CNTN1: variants seen among roughly 807,000 people sequenced by gnomAD.
The protein encoded by CNTN1 is contactin 1.
A neutral mutation model predicts 126.4 loss-of-function variants in CNTN1; 38 were observed. The ratio of observed to expected loss-of-function variants is 0.30; its 90% CI spans 0.23 to 0.39. The LOEUF (loss-of-function observed/expected upper bound fraction) is 0.39, where lower values mean the gene tolerates loss of function less well. Among genes scored for constraint, CNTN1 ranks in the 10% least tolerant of loss-of-function variants. The probability of loss-of-function intolerance (pLI) is 1.00; values close to 1 mark genes in which losing one functional copy is unlikely to be tolerated. For synonymous variants in CNTN1, 413 were observed against 422.6 expected (o/e 0.98, Z 0.28); for missense variants, 1,009 against 1,248.4 (o/e 0.81, Z 2.89).
At chr12:40,766,615 T>C (rs766812743) in intron 1 of CNTN1, among the ~76,000 whole-genome samples, 2 of 152,150 alleles carry the variant, frequency 1.3e-5, no homozygotes, top group Non-Finnish European at 2.9e-5. Context: ...GATCAACTTA[T>C]CTGATGCACC....
rs543369780 is a variant in CNTN1 at position 40,957,872 on chromosome 12, C to T, written c.1684-1242C>T. Among the ~76,000 whole-genome samples the T allele has an allele frequency of 5.5e-4, 83 of 151,994 alleles. 1 individual carries two copies. The highest frequency in any genetic ancestry group is 1.9e-3 in the African/African-American group (80 of 41,490). On this transcript the variant is annotated intron_variant, in intron 14 of 23. Coordinates refer to ENST00000551295, the MANE Select transcript of CNTN1 (RefSeq NM_001843.4). Reference sequence around the variant, plus strand: ...TGCTCTCTCAGCTATTATTCTTAACCTCATTAATCCAGCAAGGGTTGCAAA... The same window carrying T: ...TGCTCTCTCAGCTATTATTCTTAACTTCATTAATCCAGCAAGGGTTGCAAA...
intron 1 of CNTN1, among the ~76,000 whole-genome samples, chr12:40,842,651 T>G (rs2136587812): frequency 6.6e-6 from 1 of 152,272 alleles, no homozygotes; most frequent in East Asian, 1.9e-4. Flanking sequence ...TAGTAGAGTC[T>G]TCTGTGTAAG....
rs1938326632 is a variant in CNTN1, at chr12:40,749,735, GTAACA to G, written c.-77+57145_-77+57149del. Among the ~76,000 whole-genome samples, 3 of 147,290 alleles carry G rather than the reference GTAACA, an allele frequency of 2.0e-5. 1 individual carries two copies. The highest frequency in any genetic ancestry group is 4.5e-5 in the Non-Finnish European group (3 of 66,224). ...AGAAAATAAAGTTCTGATAGGTTAA[GTAACA>G]TGACCAAAATCACAGAGTTTACATT... is the stretch of plus-strand genomic sequence containing the variant. On this transcript the variant is annotated intron_variant, in intron 1 of 23. Transcript: ENST00000551295.
chr12:40,918,877 A>G, intron 4 of CNTN1, 106 bp downstream of exon 4: 2 of 1,360,940 alleles, frequency 1.5e-6, no homozygotes, highest in Non-Finnish European at 2.1e-6. Flanking sequence ...TGCAAATTCC[A>G]TGGACATTAA....
chr12:40,950,969 A>T (rs1946653996), intron 14 of CNTN1, among the ~76,000 whole-genome samples: 3 of 151,628 alleles, frequency 2.0e-5, no homozygotes, highest in Admixed American at 6.6e-5. Context: ...TATATATATA[A>T]TATAATATAT....
At chr12:40,942,334 G>A (rs10879386) in intron 12 of CNTN1, among the ~76,000 whole-genome samples, 1 of 152,010 alleles carries the variant, frequency 6.6e-6, no homozygotes, top group Non-Finnish European at 1.5e-5. Context: ...GCTTGGAAAA[G>A]TATTTTACTG....
chr12:40,723,712 A>C (rs1483177778), intron 1 of CNTN1, among the ~76,000 whole-genome samples: 1 of 152,312 alleles, frequency 6.6e-6, no homozygotes, highest in African/African-American at 2.4e-5. Flanking sequence ...AAAACAGGGG[A>C]TATATGGCAA....
At position 40,998,536 on chromosome 12, in the gene CNTN1, T is replaced by C. The variant is rs968685084; in HGVS notation, c.2113+5267T>C. Among the ~76,000 whole-genome samples the C allele has an allele frequency of 1.1e-4, 16 of 152,252 alleles. No homozygotes were observed. In the East Asian group the frequency reaches 3.1e-3, roughly 29 times the overall value. ...CAATGGGAACATCATTTTAACATGGTGGATTATATTAGGGGTGTTAGCAAT... is the reference window on the plus strand; with the variant it reads ...CAATGGGAACATCATTTTAACATGGCGGATTATATTAGGGGTGTTAGCAAT... On this transcript the variant is annotated intron_variant, in intron 17 of 23. Coordinates refer to ENST00000551295, the MANE Select transcript of CNTN1 (RefSeq NM_001843.4).
At chr12:40,807,454 G>A (rs1240905710) in intron 1 of CNTN1, among the ~76,000 whole-genome samples, 1 of 152,080 alleles carries the variant, frequency 6.6e-6, no homozygotes, top group Non-Finnish European at 1.5e-5. Flanking sequence ...GGCGAAAGGT[G>A]GCTCTAGCCT....
chr12:40,901,911 G>A (rs1421315020), intron 1 of CNTN1, among the ~76,000 whole-genome samples: 3 of 152,146 alleles, frequency 2.0e-5, no homozygotes, highest in Non-Finnish European at 2.9e-5. Flanking sequence ...TGTTTATAGA[G>A]TGTAAAGAAA....
At chr12:41,042,786 T>C (rs1462446709) in intron 23 of CNTN1, among the ~76,000 whole-genome samples, 3 of 152,126 alleles carry the variant, frequency 2.0e-5, no homozygotes, top group African/African-American at 7.2e-5. Context: ...AGCATGGTAC[T>C]GGTACCAAAA....
chr12:40,929,602 T>C (rs1945811493), intron 6 of CNTN1, among the ~76,000 whole-genome samples, 194 bp from the exon 7 acceptor site: 2 of 152,032 alleles, frequency 1.3e-5, no homozygotes, highest in Non-Finnish European at 2.9e-5. Context: ...TGTAATTGCT[T>C]AGTGTAATGC....
chr12:40,974,616 A>G (rs1446669444), intron 15 of CNTN1, among the ~76,000 whole-genome samples: 1 of 152,168 alleles, frequency 6.6e-6, no homozygotes, highest in Non-Finnish European at 1.5e-5. Context: ...TGCTGTTTTA[A>G]AAATATTGTT....
At chr12:40,823,141 T>C (rs1386417458) in intron 1 of CNTN1, among the ~76,000 whole-genome samples, 2 of 152,190 alleles carry the variant, frequency 1.3e-5, no homozygotes, top group Non-Finnish European at 1.5e-5. Context: ...ATATTAATTC[T>C]TTTCCATATT....
At chr12:40,798,251 A>G (rs1289742114) in intron 1 of CNTN1, among the ~76,000 whole-genome samples, 1 of 152,032 alleles carries the variant, frequency 6.6e-6, no homozygotes, top group East Asian at 1.9e-4. Context: ...CTCAGAAGCC[A>G]GGTGAGATGT....
intron 20 of CNTN1, among the ~76,000 whole-genome samples, chr12:41,020,732 T>C (rs578083790): frequency 1.3e-5 from 2 of 152,322 alleles, no homozygotes; most frequent in South Asian, 4.1e-4. Context: ...TAGGAAAACA[T>C]TCTCATAAAA....
intron 1 of CNTN1, among the ~76,000 whole-genome samples, chr12:40,745,985 A>G (rs1938165124): frequency 6.6e-6 from 1 of 152,148 alleles, no homozygotes; most frequent in Non-Finnish European, 1.5e-5. Flanking sequence ...GTTCTCACGT[A>G]GGTAGTCCTA....
chr12:40,875,506 G>GTCAAT (rs1368444112), intron 1 of CNTN1, among the ~76,000 whole-genome samples: 2 of 151,852 alleles, frequency 1.3e-5, no homozygotes, highest in East Asian at 3.9e-4. Context: ...TAAATGGAAA[G>GTCAAT]TCAATTCCAA....
intron 1 of CNTN1, among the ~76,000 whole-genome samples, chr12:40,901,268 G>A (rs1015283522): frequency 5.9e-5 from 9 of 152,076 alleles, no homozygotes; most frequent in Non-Finnish European, 1.3e-4. Flanking sequence ...TTTAAAATCC[G>A]TTCTTGATCT....
Sources: allele counts gnomAD v4.1 joint callset (sites outside exome capture counted in the v4.1 genomes callset), GRCh38; gene constraint gnomAD v4.1.1; transcripts MANE v1.5; gene names NCBI Gene and HGNC (gene_info 2026-07-23, HGNC 2026-07-21).